The following SIPA1L3 variants were observed in gnomAD, a reference collection of about 807,000 sequenced individuals.
SIPA1L3 encodes signal induced proliferation associated 1 like 3.
A neutral mutation model predicts 150.1 loss-of-function variants in SIPA1L3; 59 were observed. The observed-to-expected ratio is 0.39, with a 90% CI of 0.32 to 0.49. The LOEUF (loss-of-function observed/expected upper bound fraction) is 0.49. Among genes scored for constraint, SIPA1L3 ranks in the 20% least tolerant of loss-of-function variants. SIPA1L3 has a pLI of 0.86. For missense variants in SIPA1L3, 2,211 were observed against 2,489.5 expected, an observed-to-expected ratio of 0.89 and a Z score of 2.38; for synonymous variants, 1,070 against 1,077.6, an observed-to-expected ratio of 0.99 and a Z score of 0.14.
intron 6 of SIPA1L3, among the ~76,000 whole-genome samples, chr19:38,101,511 C>G (rs577921442): frequency 2.0e-5 from 3 of 152,026 alleles, no homozygotes; most frequent in African/African-American, 7.2e-5. Context: ...CAGGTTCAAG[C>G]AAGATTCTCC....
At chr19:38,090,322 C>T (rs531872147) in intron 4 of SIPA1L3, among the ~76,000 whole-genome samples, 1 of 144,598 alleles carries the variant, frequency 6.9e-6, no homozygotes, top group Non-Finnish European at 1.5e-5. Flanking sequence ...AAATGCAAAA[C>T]TCCATCTCAA....
At chr19:37,980,516 G>A (rs1326152565) in intron 1 of SIPA1L3, among the ~76,000 whole-genome samples, 2 of 152,182 alleles carry the variant, frequency 1.3e-5, no homozygotes, top group Non-Finnish European at 1.5e-5. Flanking sequence ...ATGAGGAAGA[G>A]CATTCTAGGC....
Position 38,182,676 on chromosome 19 carries a change from C to T in SIPA1L3, c.4366C>T (p.Pro1456Ser). 6.2e-7 allele frequency: 1 copy of T among 1,614,204 alleles called. No individual in the cohort carries two copies. The highest frequency in any genetic ancestry group is 8.5e-7 in the Non-Finnish European group (1 of 1,180,020). ...CAAGCAGCCTGTACGCAATAAGCACCCAACAGGGTGGAAGAGAACGGAGGA... is the reference window on the plus strand; with the variant it reads ...CAAGCAGCCTGTACGCAATAAGCACTCAACAGGGTGGAAGAGAACGGAGGA... ...FSKQPVRNKH[P>S]TGWKRTEEPP... Residue 1456 changes from proline (P) to serine (S), a missense_variant, in exon 16 of 22, where the codon CCA becomes TCA. Transcript: ENST00000222345.
chr19:38,089,257 GC>G (rs1003897057), intron 4 of SIPA1L3, among the ~76,000 whole-genome samples: 1 of 149,494 alleles, frequency 6.7e-6, no homozygotes, highest in African/African-American at 2.5e-5. Flanking sequence ...GGCAGAGGCT[GC>G]AGTGAGCTGA....
intron 2 of SIPA1L3, among the ~76,000 whole-genome samples, chr19:38,064,743 C>G (rs1409431278): frequency 1.3e-5 from 2 of 152,212 alleles, no homozygotes; most frequent in Non-Finnish European, 2.9e-5. Context: ...TCTCGTTTAT[C>G]ACTGCAGGCC....
intron 2 of SIPA1L3, among the ~76,000 whole-genome samples, chr19:38,070,120 G>A (rs1456047949): frequency 1.3e-5 from 2 of 151,966 alleles, no homozygotes; most frequent in Admixed American, 1.3e-4. Flanking sequence ...CTCTCTTCTT[G>A]CAGATCCTGG....
intron 21 of SIPA1L3, 25 bp downstream of exon 21, chr19:38,204,233 C>G (rs1357815452): frequency 1.3e-6 from 2 of 1,543,298 alleles, no homozygotes; most frequent in Non-Finnish European, 1.8e-6. Flanking sequence ...CACGCCCTCT[C>G]CATCCCACTT....
At chr19:37,940,129 A>G (rs1157711624) in intron 1 of SIPA1L3, among the ~76,000 whole-genome samples, 1 of 152,068 alleles carries the variant, frequency 6.6e-6, no homozygotes. Flanking sequence ...AAGAAAAATA[A>G]AGGAGGCTGG....
chr19:38,193,391 G>T, intron 17 of SIPA1L3, 146 bp from the exon 18 acceptor site: 1 of 888,266 alleles, frequency 1.1e-6, no homozygotes, highest in Non-Finnish European at 1.5e-6. Context: ...GGAAGGGAGG[G>T]AGGGAGGAAG....
intron 1 of SIPA1L3, among the ~76,000 whole-genome samples, chr19:37,960,518 C>T (rs1159397983): frequency 1.3e-5 from 2 of 151,928 alleles, no homozygotes; most frequent in Non-Finnish European, 2.9e-5. Context: ...ATTCTCCTGC[C>T]TCAGCCTCCC....
chr19:38,069,237 G>C (rs1251315921), intron 2 of SIPA1L3, among the ~76,000 whole-genome samples: 1 of 152,152 alleles, frequency 6.6e-6, no homozygotes, highest in African/African-American at 2.4e-5. Flanking sequence ...AGACAGCATG[G>C]GGGGACAATC....
rs897648312 is a variant in SIPA1L3, at chr19:38,123,684, A to G, written c.2868+3802A>G. 8.0e-3 allele frequency among the ~76,000 whole-genome samples: 1,221 copies of G among 152,228 alleles called. 14 individuals are homozygous for G. The highest frequency in any genetic ancestry group is 0.028 in the African/African-American group (1,150 of 41,510). ...TATTTCTTTCTACACAGACACGGCA[A>G]CCATCCGATTTCTCAATCTTTTCCC... On this transcript the variant is annotated intron_variant, in intron 9 of 21. Coordinates refer to ENST00000222345, the MANE Select transcript of SIPA1L3 (RefSeq NM_015073.3).
At chr19:38,119,030 A>T (rs1970955351) in intron 8 of SIPA1L3, among the ~76,000 whole-genome samples, 1 of 152,082 alleles carries the variant, frequency 6.6e-6, no homozygotes, top group Non-Finnish European at 1.5e-5. Context: ...CCTCGTCTCT[A>T]CAAAAAATAA....
chr19:38,154,340 A>T (rs1029782375), intron 13 of SIPA1L3, among the ~76,000 whole-genome samples: 4 of 152,192 alleles, frequency 2.6e-5, no homozygotes, highest in Admixed American at 6.5e-5. Context: ...GTTGCTAGGA[A>T]CATTCTTGTG....
chr19:38,133,224 G>A (rs1024223577), intron 10 of SIPA1L3, among the ~76,000 whole-genome samples: 3 of 152,212 alleles, frequency 2.0e-5, no homozygotes, highest in African/African-American at 4.8e-5. Context: ...TTCAGACAGC[G>A]GCACCTGGCC....
chr19:38,196,219 A>G (rs934779851), intron 18 of SIPA1L3, among the ~76,000 whole-genome samples: 1 of 152,222 alleles, frequency 6.6e-6, no homozygotes, highest in Non-Finnish European at 1.5e-5. Flanking sequence ...GGTGCTCCTG[A>G]TGCCCTGCTC....
intron 12 of SIPA1L3, among the ~76,000 whole-genome samples, chr19:38,151,064 C>T (rs566807677): frequency 1.4e-4 from 22 of 152,190 alleles, no homozygotes; most frequent in South Asian, 1.2e-3. Flanking sequence ...CTCTCTTCCA[C>T]CATCAGAGTG....
intron 4 of SIPA1L3, among the ~76,000 whole-genome samples, chr19:38,091,646 C>T (rs1477686801): frequency 2.6e-5 from 4 of 152,180 alleles, no homozygotes; most frequent in Non-Finnish European, 5.9e-5. Context: ...TGTGTTCTGG[C>T]CGCCGCACTC....
At chr19:38,131,637 G>GT in intron 10 of SIPA1L3, 1 of 162,472 alleles carries the variant, frequency 6.2e-6, no homozygotes. Context: ...TGTTGTTTTT[G>GT]TTTTTTGTTT....
Sources: gnomAD v4.1 joint callset for allele counts (sites outside exome capture counted in the v4.1 genomes callset) on GRCh38, gnomAD v4.1.1 for gene constraint, MANE v1.5 for transcripts, NCBI Gene and HGNC (gene_info 2026-07-23, HGNC 2026-07-21) for gene names.